PHIP: variants seen among roughly 807,000 people sequenced by gnomAD.
PHIP encodes PH-interacting protein.
A neutral mutation model predicts 236.8 loss-of-function variants in PHIP; 54 were observed. That is an observed-to-expected ratio of 0.23 (90% CI 0.18 to 0.29). PHIP has a LOEUF of 0.29. Ranked by LOEUF, PHIP falls within the 10% of genes least tolerant of loss-of-function variation. PHIP has a pLI of 1.00. For synonymous variants in PHIP, 756 were observed against 718.9 expected, an observed-to-expected ratio of 1.05 and a Z score of -0.83; for missense variants, 1,370 against 2,190.8, an observed-to-expected ratio of 0.63 and a Z score of 7.48.
intron 35 of PHIP, among the ~76,000 whole-genome samples, chr6:78,951,897 T>C (rs1774178878): frequency 6.6e-6 from 1 of 152,216 alleles, no homozygotes; most frequent in Non-Finnish European, 1.5e-5. Flanking sequence ...TAAATAGCTA[T>C]AAATAGTTTT....
intron 19 of PHIP, among the ~76,000 whole-genome samples, chr6:78,993,090 G>T (rs1307220144): frequency 1.3e-5 from 2 of 152,242 alleles, no homozygotes; most frequent in African/African-American, 4.8e-5. Flanking sequence ...GGTCTGGATA[G>T]AAGATTAAAC....
Position 78,940,967 on chromosome 6 carries a change from A to T in PHIP, c.5192T>A (p.Val1731Asp), listed in dbSNP as rs768951489. 6.3e-5 allele frequency: 102 copies of T among 1,613,664 alleles called. No individual in the cohort carries two copies. Among genetic ancestry groups the T allele is most frequent in the Non-Finnish European group, 8.1e-5 (96 of 1,179,766 alleles). ...KTQKLDADLL[V>D]PASVKVLRRS... ...CCTTAACACTTTGACACTTGCAGGG[A>T]CTAGGAGATCTGCATCTAATTTTTG... is the stretch of plus-strand genomic sequence containing the variant. Residue 1731 changes from valine to aspartate, a missense_variant, in exon 40 of 40, where the codon GTC (valine) becomes GAC (aspartate). By Grantham distance (152) the Val-to-Asp change is radical. Coordinates refer to ENST00000275034, the MANE Select transcript of PHIP (RefSeq NM_017934.7).
intron 7 of PHIP, among the ~76,000 whole-genome samples, chr6:79,028,603 T>C (rs760022919): frequency 1.3e-5 from 2 of 152,214 alleles, no homozygotes; most frequent in African/African-American, 4.8e-5. Flanking sequence ...AGGGCATTCA[T>C]TCAAATTAAG....
intron 7 of PHIP, among the ~76,000 whole-genome samples, chr6:79,036,100 T>C (rs1055871852): frequency 1.3e-5 from 2 of 152,210 alleles, no homozygotes; most frequent in Non-Finnish European, 1.5e-5. Flanking sequence ...GGCTAAGCAT[T>C]ATCAGCAATC....
At chr6:78,946,316 A>T in intron 37 of PHIP, 56 bp from the exon 38 acceptor site, 1 of 1,506,136 alleles carries the variant, frequency 6.6e-7, no homozygotes, top group South Asian at 1.3e-5. Flanking sequence ...AACGAATAAA[A>T]CAGTTTATAA....
rs140402470 is a variant in PHIP at position 78,966,741 on chromosome 6, A to C, written c.3206-685T>G. ...TGCTATGGCTTTTTCTTATCTAAAT[A>C]TTCTCATGTTCCTTCTGTGTCATAA... On this transcript the variant is annotated intron_variant, in intron 27 of 39. Transcript: ENST00000275034. 6.4e-4 allele frequency among the ~76,000 whole-genome samples: 97 copies of C among 152,278 alleles called. 1 individual carries two copies. The South Asian group carries it at 8.1e-3, about 13-fold the overall frequency.
At chr6:79,007,654 C>CTTTTTTTTTTTTTTTT in intron 15 of PHIP, among the ~76,000 whole-genome samples, 1 of 116,688 alleles carries the variant, frequency 8.6e-6, no homozygotes, top group Non-Finnish European at 1.8e-5. Context: ...ATGTCTTGTT[C>CTTTTTTTTTTTTTTTT]TTTTTTTTTT....
At chr6:79,038,213 A>G (rs540421096) in intron 7 of PHIP, among the ~76,000 whole-genome samples, 2 of 152,354 alleles carry the variant, frequency 1.3e-5, no homozygotes, top group South Asian at 4.1e-4. Context: ...ACAGAAAGTT[A>G]TTACTCACAG....
intron 4 of PHIP, among the ~76,000 whole-genome samples, chr6:79,074,168 A>G (rs1375644401): frequency 6.6e-6 from 1 of 152,146 alleles, no homozygotes; most frequent in Non-Finnish European, 1.5e-5. Flanking sequence ...TTTCTAATAA[A>G]GTGGAATAAT....
At chr6:79,014,903 T>C (rs1450757876) in intron 15 of PHIP, among the ~76,000 whole-genome samples, 179 bp downstream of exon 15, 1 of 151,866 alleles carries the variant, frequency 6.6e-6, no homozygotes, top group Non-Finnish European at 1.5e-5. Context: ...CACAATTAAT[T>C]TTCTTTTAAA....
chr6:78,996,930 T>C (rs1253483331), intron 19 of PHIP, among the ~76,000 whole-genome samples: 1 of 151,832 alleles, frequency 6.6e-6, no homozygotes, highest in Non-Finnish European at 1.5e-5. Context: ...AGAATTTTAT[T>C]AAATCAATAC....
intron 6 of PHIP, among the ~76,000 whole-genome samples, chr6:79,045,776 C>A (rs1772455153): frequency 6.6e-6 from 1 of 152,066 alleles, no homozygotes; most frequent in South Asian, 2.1e-4. Context: ...AGGATAAATT[C>A]TTTATATGAC....
intron 19 of PHIP, 54 bp from the exon 20 acceptor site, chr6:78,991,039 C>T: frequency 1.9e-6 from 2 of 1,052,504 alleles, no homozygotes; most frequent in South Asian, 1.4e-5. Context: ...TAACTTTCCT[C>T]CAAAAGGAAT....
chr6:79,076,421 T>C (rs1774163338), intron 4 of PHIP, among the ~76,000 whole-genome samples: 1 of 152,330 alleles, frequency 6.6e-6, no homozygotes, highest in African/African-American at 2.4e-5. Flanking sequence ...GCGACTGCTT[T>C]AACTGCCCCA....
At chr6:78,989,029 T>G (rs868321070) in intron 20 of PHIP, among the ~76,000 whole-genome samples, 3 of 152,222 alleles carry the variant, frequency 2.0e-5, no homozygotes, top group Middle Eastern at 6.8e-3. Context: ...ACTAAAAAAC[T>G]GATAAAGTAC....
At chr6:79,057,752 AC>A in intron 6 of PHIP, among the ~76,000 whole-genome samples, 1 of 152,228 alleles carries the variant, frequency 6.6e-6, no homozygotes, top group African/African-American at 2.4e-5. Flanking sequence ...AGTCAGTACT[AC>A]AAACATTCAT....
intron 17 of PHIP, among the ~76,000 whole-genome samples, chr6:78,999,406 C>G (rs967832279): frequency 6.6e-6 from 1 of 152,100 alleles, no homozygotes; most frequent in Admixed American, 6.6e-5. Context: ...TACCTGCTAC[C>G]CTCTTTCACT....
intron 7 of PHIP, among the ~76,000 whole-genome samples, chr6:79,032,310 T>C (rs1229220515): frequency 2.6e-5 from 4 of 152,144 alleles, no homozygotes; most frequent in African/African-American, 9.7e-5. Flanking sequence ...GCTGCATCCA[T>C]TGGACTCTTC....
intron 6 of PHIP, among the ~76,000 whole-genome samples, chr6:79,053,227 T>C (rs1415596841): frequency 6.6e-6 from 1 of 152,146 alleles, no homozygotes; most frequent in Non-Finnish European, 1.5e-5. Context: ...GGCAGGAGAA[T>C]GGCTTGAACC....
Sources: gnomAD v4.1 joint callset for allele counts (sites outside exome capture counted in the v4.1 genomes callset) on GRCh38, gnomAD v4.1.1 for gene constraint, MANE v1.5 for transcripts, NCBI Gene and HGNC (gene_info 2026-07-23, HGNC 2026-07-21) for gene names.